The following SRRM2 variants were observed in gnomAD, a reference collection of about 807,000 sequenced individuals.
The protein encoded by SRRM2 is serine/arginine repetitive matrix 2, also known as serine/arginine repetitive matrix protein 2.
SRRM2 carries 30 observed loss-of-function variants against 213.8 expected under a neutral mutation model. The observed-to-expected ratio is 0.14, with a 90% CI of 0.10 to 0.19. SRRM2 has a LOEUF of 0.19. SRRM2 is among the 10% of genes least tolerant of loss of function. The probability of loss-of-function intolerance (pLI) is 1.00; values close to 1 mark genes in which losing one functional copy is unlikely to be tolerated. For synonymous variants in SRRM2, 2,025 were observed against 1,377.7 expected (o/e 1.47, Z -10.40); for missense variants, 4,904 against 3,647.0 (o/e 1.34, Z -8.88).
chr16:2,756,318 C>A lies in SRRM2; in HGVS notation c.-31-16C>A, dbSNP rs750285404. 1.1e-5 allele frequency: 17 copies of A among 1,534,260 alleles called. No homozygotes were observed. Among genetic ancestry groups the A allele is most frequent in the Non-Finnish European group, 1.4e-5 (16 of 1,146,506 alleles). ...GGGGCCAGGGGCCTGACCCGTGTCT[C>A]CCCGCTCCCCCTCAGGAGCGGTGGT... is the stretch of plus-strand genomic sequence containing the variant. On this transcript the variant is annotated splice_polypyrimidine_tract_variant and intron_variant, in intron 1 of 14. Coordinates refer to ENST00000301740, the MANE Select transcript of SRRM2 (RefSeq NM_016333.4).
rs1215325383 is a variant in SRRM2 at position 2,760,327 on chromosome 16, A to C, written c.860A>C (p.His287Pro). Residue 287 changes from histidine (H) to proline (P), a missense_variant, in exon 10 of 15, where the codon CAT becomes CCT. Transcript: ENST00000301740. ...SRSRSAAAKT[H>P]TTALAGRSPS... ...TCTCGAAGTGCTGCAGCTAAAACTC[A>C]TACAACTGCCTTGGCTGGGCGAAGT... The C allele has an allele frequency of 1.9e-6, 3 of 1,613,898 alleles. No individual in the cohort carries two copies. Among genetic ancestry groups the C allele is most frequent in the Non-Finnish European group, 2.5e-6 (3 of 1,180,002 alleles).
Position 2,771,097 on chromosome 16 carries a change from G to GGGTGGA in SRRM2, c.*230_*231insGGTGGA. 3.0e-6 allele frequency: 1 copy of GGGTGGA among 336,636 alleles called. No homozygotes were observed. Among genetic ancestry groups the GGGTGGA allele is most frequent in the Non-Finnish European group, 5.7e-6 (1 of 174,698 alleles). 20.9% of individuals were successfully genotyped at this position (336,636 alleles called of 1,614,324 possible). On this transcript the variant is annotated 3_prime_UTR_variant, in exon 15 of 15. Coordinates refer to ENST00000301740, the MANE Select transcript of SRRM2 (RefSeq NM_016333.4). ...GTTCTGGGGGGTTTGGGGTGGGAGG[G>GGGTGGA]AATGCAGATGGGAGTTGGGGGAGGG...
At position 2,752,692 on chromosome 16, in the gene SRRM2, TTGCGGCCCC is replaced by T; in HGVS notation, c.-183_-175del. 1 of 323,846 alleles carries T rather than the reference TTGCGGCCCC, an allele frequency of 3.1e-6. No individual in the cohort carries two copies. The allele number at this position is 323,846 out of a possible 1,614,324, so 20.1% of individuals were successfully genotyped here. A position where few individuals can be genotyped will look rare whatever the true frequency, so the allele number is the denominator to read the frequency against. ...GTGCGAGTGGCGCAGTTGGAGCCCG[TTGCGGCCCC>T]TGAGGAAGCGAGGAGGCGTCGGCGT... is the stretch of plus-strand genomic sequence containing the variant. On this transcript the variant is annotated 5_prime_UTR_variant, in exon 1 of 15. Transcript: ENST00000301740.
chr16:2,770,880 G>C lies in SRRM2; in HGVS notation c.*13G>C. On this transcript the variant is annotated 3_prime_UTR_variant, in exon 15 of 15. Coordinates refer to ENST00000301740, the MANE Select transcript of SRRM2 (RefSeq NM_016333.4). Reference sequence around the variant, plus strand: ...CAGGTCTCCATAAATTGTCTTTGGGGGATTCCACCACACCCAATGCTCTGG... The same window carrying C: ...CAGGTCTCCATAAATTGTCTTTGGGCGATTCCACCACACCCAATGCTCTGG... The C allele has an allele frequency of 1.2e-6, 2 of 1,613,880 alleles. No individual in the cohort carries two copies. Among genetic ancestry groups the C allele is most frequent in the South Asian group, 2.2e-5 (2 of 91,016 alleles).
In SRRM2 at chr16:2,771,217, G is replaced by T; in HGVS notation, c.*350G>T. ...AGTTCCCAGGGGTGATTGTGATGGT[G>T]GTTGGGACTGGAGGTTGTATAAGGT... On this transcript the variant is annotated 3_prime_UTR_variant, in exon 15 of 15. Coordinates refer to ENST00000301740, the MANE Select transcript of SRRM2 (RefSeq NM_016333.4). 1.5e-6 allele frequency: 1 copy of T among 663,212 alleles called. No individual in the cohort carries two copies. Among genetic ancestry groups the T allele is most frequent in the Non-Finnish European group, 2.6e-6 (1 of 377,840 alleles). The allele number at this position is 663,212 out of a possible 1,614,324, so 41.1% of individuals were successfully genotyped here.
At chr16:2,760,555 G>A (rs187972263) in intron 10 of SRRM2, 56 bp downstream of exon 10, 2 of 1,585,040 alleles carry the variant, frequency 1.3e-6, no homozygotes, top group Non-Finnish European at 1.7e-6. Flanking sequence ...ATTTAGGATA[G>A]ACATGTGATG....
chr16:2,756,717 T>A, intron 2 of SRRM2, 111 bp downstream of exon 2: 1 of 1,438,862 alleles, frequency 6.9e-7, no homozygotes, highest in South Asian at 1.4e-5. Flanking sequence ...CAAAGAGTTG[T>A]GGTAGGGGAG....
chr16:2,766,965 T>C lies in SRRM2; in HGVS notation c.6437T>C (p.Met2146Thr), dbSNP rs760181987. 22 of 1,613,864 alleles carry C rather than the reference T, an allele frequency of 1.4e-5. No homozygotes were observed. The highest frequency in any genetic ancestry group is 1.8e-5 in the Non-Finnish European group (21 of 1,179,984). Residue 2146 changes from methionine (M) to threonine (T), a missense_variant, in exon 11 of 15, where the codon ATG becomes ACG. Met to Thr is a moderately conservative substitution (Grantham distance 81). Coordinates refer to ENST00000301740, the MANE Select transcript of SRRM2 (RefSeq NM_016333.4). This position sits in a 1 kb window ranked among gnomAD's most constrained non-coding sequence, Gnocchi z 7.0. ...CCCCTTGGCAGCTCTAGAACACCCA[T>C]GTCTGTCCTGCAGCAAGCCGGCGGC... ...LEPLGSSRTP[M>T]SVLQQAGGSM...
rs539949164 is a variant in SRRM2, at chr16:2,771,020, T to C, written c.*153T>C. ...GGCTCCCTTTCCCTCCCCTTTTTTT[T>C]TTCTTTGTTCCTGTGAAATGTTAAT... is the stretch of plus-strand genomic sequence containing the variant. On this transcript the variant is annotated 3_prime_UTR_variant, in exon 15 of 15. Transcript: ENST00000301740. 1.7e-4 allele frequency: 153 copies of C among 879,016 alleles called. No homozygotes were observed. In the African/African-American group the frequency reaches 2.5e-3, roughly 15 times the overall value. 54.5% of individuals were successfully genotyped at this position (879,016 alleles called of 1,614,324 possible).
In SRRM2 at chr16:2,765,184, C is replaced by T. The variant is rs745719617; in HGVS notation, c.4656C>T (p.Ser1552=). ...SQELDVKPSA[S]PQERSESDSS... ...AACTTGATGTGAAACCCAGTGCATC[C>T]CCTCAGGAAAGAAGTGAGTCAGACT... Residue 1552 remains serine (S), a synonymous_variant, in exon 11 of 15, where the codon TCC becomes TCT. Coordinates refer to ENST00000301740, the MANE Select transcript of SRRM2 (RefSeq NM_016333.4). 3.7e-6 allele frequency: 6 copies of T among 1,614,046 alleles called. No individual in the cohort carries two copies. The highest frequency in any genetic ancestry group is 2.2e-5 in the East Asian group (1 of 44,890).
rs771989272 is a variant in SRRM2, at chr16:2,766,008, G to T, written c.5480G>T (p.Arg1827Leu). 8 of 1,614,084 alleles carry T rather than the reference G, an allele frequency of 5.0e-6. No homozygotes were observed. The highest frequency in any genetic ancestry group is 1.7e-5 in the Admixed American group (1 of 60,012). ...GGTTATCACTCAAGGTCACCTGCCC[G>T]GCAGGAAAGTTCCCGGACCTCCTCT... is the stretch of plus-strand genomic sequence containing the variant. The part of the protein sequence containing the change: ...GSGYHSRSPA[R>L]QESSRTSSRR... The change falls in exon 11 of 15, where the codon CGG becomes CTG. Residue 1827 changes from arginine to leucine, a missense_variant. Physicochemically the swap from Arg to Leu is moderately radical, Grantham distance 102 (BLOSUM62 -2). Coordinates refer to ENST00000301740, the MANE Select transcript of SRRM2 (RefSeq NM_016333.4). This position sits in a 1 kb window ranked among gnomAD's most constrained non-coding sequence, Gnocchi z 7.0.
intron 13 of SRRM2, 29 bp from the exon 14 acceptor site, chr16:2,770,575 T>C: frequency 6.4e-7 from 1 of 1,551,784 alleles, no homozygotes; most frequent in Non-Finnish European, 8.7e-7. Context: ...GGTGCCACCC[T>C]GTGGCCTGAT....
Position 2,759,681 on chromosome 16 carries a change from G to A in SRRM2, c.833+20G>A. The stretch of plus-strand genomic sequence containing the variant: ...CAGTCGGTAAGGGGTAGTCCAGGAG[G>A]AAGGGAGGGAGAGGGAATGATGGGT... On this transcript the variant is annotated intron_variant, in intron 9 of 14. Transcript: ENST00000301740. The A allele has an allele frequency of 6.2e-7, 1 of 1,602,430 alleles. No individual in the cohort carries two copies. The highest frequency in any genetic ancestry group is 8.5e-7 in the Non-Finnish European group (1 of 1,169,694).
intron 10 of SRRM2, chr16:2,760,845 A>C: frequency 4.6e-6 from 1 of 217,872 alleles, no homozygotes; most frequent in South Asian, 7.4e-5. Context: ...GTCTCACCAA[A>C]ACTTTTTAAT....
At chr16:2,759,070 T>A in intron 6 of SRRM2, 23 bp downstream of exon 6, 1 of 1,614,200 alleles carries the variant, frequency 6.2e-7, no homozygotes, top group Non-Finnish European at 8.5e-7. Flanking sequence ...AATACTTGAA[T>A]GACTGGAGAA....
At chr16:2,757,609 T>C (rs2068191459) in intron 3 of SRRM2, 30 bp downstream of exon 3, 1 of 1,598,642 alleles carries the variant, frequency 6.3e-7, no homozygotes, top group Non-Finnish European at 8.5e-7. Flanking sequence ...TCGATGACTC[T>C]GGACTCTACT....
rs760736029 is a variant in SRRM2, at chr16:2,765,144, C to T, written c.4616C>T (p.Ser1539Leu). The T allele has an allele frequency of 3.6e-5, 58 of 1,614,022 alleles. No homozygotes were observed. Among genetic ancestry groups the T allele is most frequent in the South Asian group, 7.7e-5 (7 of 91,078 alleles). Residue 1539 changes from serine (S) to leucine (L), a missense_variant, in exon 11 of 15, where the codon TCG becomes TTG. Ser to Leu is a moderately radical substitution (Grantham distance 145). Coordinates refer to ENST00000301740, the MANE Select transcript of SRRM2 (RefSeq NM_016333.4). ...ARTPLGQRSR[S>L]GSSQELDVKP... ...ACTCCCCTGGGGCAGAGAAGTCGTT[C>T]GGGATCCTCTCAAGAACTTGATGTG...
rs966562649 is a variant in SRRM2, at chr16:2,756,904, G to A, written c.242+298G>A. Among the ~76,000 whole-genome samples the A allele has an allele frequency of 3.9e-5, 6 of 152,134 alleles. No homozygotes were observed. The South Asian group carries it at 1.0e-3, about 26-fold the overall frequency. ...GTTTTAAGGAAGAGATGGGAAAGCA[G>A]AGACCAGGTAGAGGAGCTAGGTAAG... is the stretch of plus-strand genomic sequence containing the variant. On this transcript the variant is annotated intron_variant, in intron 2 of 14. Coordinates refer to ENST00000301740, the MANE Select transcript of SRRM2 (RefSeq NM_016333.4).
intron 9 of SRRM2, 160 bp downstream of exon 9, chr16:2,759,821 G>A (rs1596269788): frequency 6.5e-6 from 4 of 616,490 alleles, no homozygotes; most frequent in East Asian, 2.8e-5. Flanking sequence ...AGGATGGACA[G>A]ACATATACAT....
Sources: allele counts gnomAD v4.1 joint callset (sites outside exome capture counted in the v4.1 genomes callset), GRCh38; gene constraint gnomAD v4.1.1; non-coding constraint Gnocchi (gnomAD v3.1); transcripts MANE v1.5; gene names NCBI Gene and HGNC (gene_info 2026-07-23, HGNC 2026-07-21).